Variants in RAB6B observed in about 807,000 individuals in gnomAD.
The protein encoded by RAB6B is RAB6B, member RAS oncogene family.
In RAB6B, 7 loss-of-function variants were observed where a neutral mutation model predicts 31.2. The ratio of observed to expected loss-of-function variants is 0.22; its 90% CI spans 0.13 to 0.42. The LOEUF is 0.42. Ranked by LOEUF, RAB6B falls within the 10% of genes least tolerant of loss-of-function variation. RAB6B has a pLI of 1.00. For missense variants in RAB6B, 149 were observed against 280.6 expected (o/e 0.53, Z 3.35); for synonymous variants, 105 against 104.9 (o/e 1.00, Z -0.01).
chr3:133,826,082 T>C lies in RAB6B; in HGVS notation c.*2706A>G, dbSNP rs1210336358. The stretch of plus-strand genomic sequence containing the variant: ...GAACCAACAACTTCTGAAAAAGAGG[T>C]CTGGCTGCCTTTCCACACCCCAGGA... On this transcript the variant is annotated 3_prime_UTR_variant, in exon 8 of 8. Transcript: ENST00000285208. 1 of 151,986 alleles carries C rather than the reference T, an allele frequency of 6.6e-6. No individual in the cohort carries two copies. The highest frequency in any genetic ancestry group is 1.5e-5 in the Non-Finnish European group (1 of 68,024). The allele number at this position is 151,986 out of a possible 1,614,324, so 9.4% of individuals were successfully genotyped here. A position where few individuals can be genotyped will look rare whatever the true frequency, so the allele number is the denominator to read the frequency against.
At chr3:133,833,234 T>C (rs1459220934) in intron 7 of RAB6B, among the ~76,000 whole-genome samples, 1 of 152,216 alleles carries the variant, frequency 6.6e-6, no homozygotes, top group African/African-American at 2.4e-5. Flanking sequence ...CTCTGGAGCC[T>C]GTCTCTGCTA....
At chr3:133,865,377 T>A (rs1488631660) in intron 1 of RAB6B, among the ~76,000 whole-genome samples, 2 of 152,256 alleles carry the variant, frequency 1.3e-5, no homozygotes, top group Non-Finnish European at 2.9e-5. Context: ...TTGGGAATCC[T>A]ACAAATGCTG....
intron 1 of RAB6B, among the ~76,000 whole-genome samples, chr3:133,893,305 C>T (rs915519325): frequency 2.0e-5 from 3 of 152,218 alleles, no homozygotes; most frequent in East Asian, 1.9e-4. Flanking sequence ...GGTGGGGCTC[C>T]AGCCCAGAAG....
chr3:133,827,943 G>T lies in RAB6B; in HGVS notation c.*845C>A. ...TTTCAGAAGTACACATGGCACCCCA[G>T]TCTATAAACCACGCACCACGCAGCT... On this transcript the variant is annotated 3_prime_UTR_variant, in exon 8 of 8. Coordinates refer to ENST00000285208, the MANE Select transcript of RAB6B (RefSeq NM_016577.4). 1 of 702,974 alleles carries T rather than the reference G, an allele frequency of 1.4e-6. No homozygotes were observed. The highest frequency in any genetic ancestry group is 2.6e-6 in the Non-Finnish European group (1 of 384,982). 43.5% of individuals were successfully genotyped at this position (702,974 alleles called of 1,614,324 possible). A position where few individuals can be genotyped will look rare whatever the true frequency, so the allele number is the denominator to read the frequency against.
At chr3:133,829,680 G>A (rs1328708385) in intron 7 of RAB6B, among the ~76,000 whole-genome samples, 4 of 152,172 alleles carry the variant, frequency 2.6e-5, no homozygotes, top group African/African-American at 9.7e-5. Context: ...CTTCTTGCTG[G>A]CATCCTAAGG....
chr3:133,887,862 A>AG (rs577623749), intron 1 of RAB6B, among the ~76,000 whole-genome samples: 149 of 152,256 alleles, frequency 9.8e-4, no homozygotes, highest in African/African-American at 3.2e-3. Flanking sequence ...CAGTGGGCTG[A>AG]GGGCTGACTT....
intron 1 of RAB6B, among the ~76,000 whole-genome samples, chr3:133,865,276 A>G (rs1302870620): frequency 6.6e-6 from 1 of 152,254 alleles, no homozygotes; most frequent in Non-Finnish European, 1.5e-5. Context: ...TGACAACTGT[A>G]GACTCACTCA....
intron 1 of RAB6B, among the ~76,000 whole-genome samples, chr3:133,879,696 AG>A (rs1362537513): frequency 1.2e-4 from 18 of 152,206 alleles, no homozygotes; most frequent in Non-Finnish European, 2.2e-4. Flanking sequence ...CTGACCAAAC[AG>A]CTTGTGTAGA....
Position 133,895,672 on chromosome 3 carries a change from G to T in RAB6B, c.-206C>A, listed in dbSNP as rs1480481785. ...GGCGGAGGAGGAGGAGGAGAGAGAG[G>T]CGGAGGCGGAGGAAGGCTGGGGCTG... On this transcript the variant is annotated 5_prime_UTR_variant, in exon 1 of 8. Coordinates refer to ENST00000285208, the MANE Select transcript of RAB6B (RefSeq NM_016577.4). 3 of 593,634 alleles carry T rather than the reference G, an allele frequency of 5.1e-6. No homozygotes were observed. Among genetic ancestry groups the T allele is most frequent in the Non-Finnish European group, 8.9e-6 (3 of 338,838 alleles). 36.8% of individuals were successfully genotyped at this position (593,634 alleles called of 1,614,324 possible).
intron 1 of RAB6B, among the ~76,000 whole-genome samples, chr3:133,874,954 C>T (rs957435713): frequency 3.9e-5 from 6 of 152,174 alleles, no homozygotes; most frequent in Non-Finnish European, 5.9e-5. Flanking sequence ...GTAACACACA[C>T]GGCGCTGTCA....
chr3:133,851,900 T>C (rs143660734), intron 2 of RAB6B, among the ~76,000 whole-genome samples: 1 of 152,232 alleles, frequency 6.6e-6, no homozygotes, highest in East Asian at 1.9e-4. Flanking sequence ...GGGTAGCCAC[T>C]AAAGGATGGC....
chr3:133,894,696 T>C (rs572086990), intron 1 of RAB6B: 1 of 151,994 alleles, frequency 6.6e-6, no homozygotes, highest in East Asian at 2.0e-4. Context: ...ATTGCCCAGA[T>C]CCCTGGGCAG....
At chr3:133,836,567 G>C (rs569805023) in intron 6 of RAB6B, among the ~76,000 whole-genome samples, 12 of 152,176 alleles carry the variant, frequency 7.9e-5, no homozygotes, top group Non-Finnish European at 1.8e-4. Context: ...GAGCACTCTG[G>C]GGGTAGGGGC....
chr3:133,841,735 A>C, intron 2 of RAB6B, 72 bp from the exon 3 acceptor site: 1 of 1,489,316 alleles, frequency 6.7e-7, no homozygotes, highest in Non-Finnish European at 9.3e-7. Context: ...TAGCGACCAC[A>C]GGTGGTGGCA....
intron 2 of RAB6B, among the ~76,000 whole-genome samples, chr3:133,859,171 G>A (rs1448127023): frequency 6.6e-6 from 1 of 152,068 alleles, no homozygotes; most frequent in Non-Finnish European, 1.5e-5. Context: ...TAATAACAGG[G>A]TTTCGTTATC....
intron 2 of RAB6B, among the ~76,000 whole-genome samples, chr3:133,844,594 A>G (rs1454412415): frequency 6.6e-6 from 1 of 152,226 alleles, no homozygotes; most frequent in Non-Finnish European, 1.5e-5. Context: ...CTATTTTAAT[A>G]TCTGGAAAAA....
At chr3:133,852,844 A>G (rs1407502173) in intron 2 of RAB6B, among the ~76,000 whole-genome samples, 1 of 152,266 alleles carries the variant, frequency 6.6e-6, no homozygotes, top group East Asian at 1.9e-4. Context: ...AGTGTTAGCA[A>G]TATCTGGCTC....
chr3:133,828,639 T>G lies in RAB6B; in HGVS notation c.*149A>C. The G allele has an allele frequency of 2.1e-6, 1 of 481,656 alleles. No homozygotes were observed. Among genetic ancestry groups the G allele is most frequent in the Non-Finnish European group, 4.1e-6 (1 of 245,262 alleles). 29.8% of individuals were successfully genotyped at this position (481,656 alleles called of 1,614,324 possible). A position where few individuals can be genotyped will look rare whatever the true frequency, so the allele number is the denominator to read the frequency against. On this transcript the variant is annotated 3_prime_UTR_variant, in exon 8 of 8. Transcript: ENST00000285208. ...TGTGATCCCTGATGCCCAGCCTCCC[T>G]CCCCATCCCACCCTACTCCTAAAGA...
rs116519934 is a variant in RAB6B, at chr3:133,885,633, T to C, written c.70+9764A>G. On this transcript the variant is annotated intron_variant, in intron 1 of 7. Coordinates refer to ENST00000285208, the MANE Select transcript of RAB6B (RefSeq NM_016577.4). ...TGCCAGCAGTCCCGCAGAACACCCATGGAAGGCCAGAGCAGTCAGGGAACC... is the reference window on the plus strand; with the variant it reads ...TGCCAGCAGTCCCGCAGAACACCCACGGAAGGCCAGAGCAGTCAGGGAACC... The C allele has an allele frequency of 1.1e-4, 76 of 702,874 alleles. No individual in the cohort carries two copies. In the African/African-American group the frequency reaches 1.2e-3, roughly 11 times the overall value. The allele number at this position is 702,874 out of a possible 1,614,324, so 43.5% of individuals were successfully genotyped here. A position where few individuals can be genotyped will look rare whatever the true frequency, so the allele number is the denominator to read the frequency against.
Sources: gnomAD v4.1 joint callset for allele counts (sites outside exome capture counted in the v4.1 genomes callset) on GRCh38, gnomAD v4.1.1 for gene constraint, MANE v1.5 for transcripts, NCBI Gene and HGNC (gene_info 2026-07-23, HGNC 2026-07-21) for gene names.